TMCC1: variants seen among roughly 807,000 people sequenced by gnomAD.
TMCC1 encodes transmembrane and coiled-coil domains protein 1.
A neutral mutation model predicts 52.4 loss-of-function variants in TMCC1; 15 were observed. The ratio of observed to expected loss-of-function variants is 0.29; its 90% CI spans 0.19 to 0.44. The LOEUF is 0.44. Ranked by LOEUF, TMCC1 falls within the 20% of genes least tolerant of loss-of-function variation. TMCC1 has a pLI of 1.00. For missense variants in TMCC1, 503 were observed against 806.0 expected (o/e 0.62, Z 4.55); for synonymous variants, 279 against 301.9 (o/e 0.92, Z 0.79).
rs2059965598 is a variant in TMCC1 at position 129,852,556 on chromosome 3, C to T, written c.-183-19730G>A. 3.3e-5 allele frequency among the ~76,000 whole-genome samples: 5 copies of T among 150,938 alleles called. No homozygotes were observed. In the South Asian group the frequency reaches 1.0e-3, roughly 31 times the overall value. On this transcript the variant is annotated intron_variant, in intron 2 of 6. Transcript: ENST00000393238. Reference sequence around the variant, plus strand: ...CCTTGAGGACAGACATAAAATAAGCCAATCACAAAGAGATAAATAGTTTTG... The same window carrying T: ...CCTTGAGGACAGACATAAAATAAGCTAATCACAAAGAGATAAATAGTTTTG...
intron 4 of TMCC1, among the ~76,000 whole-genome samples, chr3:129,820,497 G>A (rs1472964107): frequency 6.6e-6 from 1 of 151,984 alleles, no homozygotes; most frequent in Middle Eastern, 3.2e-3. Context: ...GGCCCTAACT[G>A]GAGAAATACA....
chr3:129,844,339 A>G (rs810752), intron 2 of TMCC1, among the ~76,000 whole-genome samples: 151,906 of 152,324 alleles, frequency 1, 75,745 homozygotes, highest in Middle Eastern at 1. Context: ...AGTGAATGGA[A>G]TTACAGAAAG....
chr3:129,685,533 G>A (rs1206486639), intron 4 of TMCC1, among the ~76,000 whole-genome samples: 1 of 152,138 alleles, frequency 6.6e-6, no homozygotes, highest in East Asian at 1.9e-4. Flanking sequence ...TAACAGCCTA[G>A]TATGCAGAAC....
intron 4 of TMCC1, among the ~76,000 whole-genome samples, chr3:129,745,273 G>A (rs2051832659): frequency 6.6e-6 from 1 of 152,206 alleles, no homozygotes; most frequent in Non-Finnish European, 1.5e-5. Flanking sequence ...TCTTGGGCTT[G>A]TATGATGAGA....
chr3:129,769,245 T>A (rs960156131), intron 4 of TMCC1, among the ~76,000 whole-genome samples: 2 of 152,246 alleles, frequency 1.3e-5, no homozygotes, highest in Admixed American at 6.5e-5. Context: ...TTTTGTTTGT[T>A]TTGAGACGGA....
At position 129,670,457 on chromosome 3, in the gene TMCC1, G is replaced by A. The variant is rs1285797547; in HGVS notation, c.1384C>T (p.Leu462=). 6.2e-7 allele frequency: 1 copy of A among 1,614,074 alleles called. No individual in the cohort carries two copies. The highest frequency in any genetic ancestry group is 8.5e-7 in the Non-Finnish European group (1 of 1,180,040). The part of the protein sequence containing the change: ...LDMQSSGFDA[L]LHEIQEIRET... Reference sequence around the variant, plus strand: ...CGGATCTCCTGGATCTCATGTAGTAGTGCATCAAATCCTGAGCTCTGCATG... The same window carrying A: ...CGGATCTCCTGGATCTCATGTAGTAATGCATCAAATCCTGAGCTCTGCATG... Residue 462 remains leucine, a synonymous_variant, in exon 5 of 7, where the codon CTA becomes TTA. Coordinates refer to ENST00000393238, the MANE Select transcript of TMCC1 (RefSeq NM_001017395.5).
chr3:129,725,339 T>G (rs941921070), intron 4 of TMCC1, among the ~76,000 whole-genome samples: 4 of 152,204 alleles, frequency 2.6e-5, no homozygotes, highest in Non-Finnish European at 5.9e-5. Context: ...CTCAAACTCC[T>G]GACAAGTGAT....
intron 4 of TMCC1, among the ~76,000 whole-genome samples, chr3:129,793,166 AAC>A (rs149082077): frequency 9.6e-4 from 142 of 147,900 alleles, no homozygotes; most frequent in Admixed American, 1.6e-3. Flanking sequence ...GAGGCCTTCA[AAC>A]ACACACACAC....
chr3:129,758,270 G>A (rs571936779), intron 4 of TMCC1, among the ~76,000 whole-genome samples: 9 of 152,260 alleles, frequency 5.9e-5, no homozygotes, highest in African/African-American at 1.9e-4. Flanking sequence ...AAAAGAAAAG[G>A]CAAGAATGAA....
At chr3:129,705,285 C>T (rs1484805142) in intron 4 of TMCC1, among the ~76,000 whole-genome samples, 2 of 152,122 alleles carry the variant, frequency 1.3e-5, no homozygotes, top group Non-Finnish European at 2.9e-5. Flanking sequence ...TTACTCTTGA[C>T]ATTTTGGCCA....
intron 2 of TMCC1, among the ~76,000 whole-genome samples, chr3:129,871,476 A>G (rs926219383): frequency 6.6e-6 from 1 of 152,042 alleles, no homozygotes; most frequent in African/African-American, 2.4e-5. Flanking sequence ...TTGATGCAAC[A>G]TATTAGATAA....
At chr3:129,675,647 G>GT (rs2088357865) in intron 4 of TMCC1, among the ~76,000 whole-genome samples, 1 of 152,150 alleles carries the variant, frequency 6.6e-6, no homozygotes, top group Non-Finnish European at 1.5e-5. Context: ...AAGGAATAAT[G>GT]TAATTCAACA....
At chr3:129,846,419 T>A (rs1401403103) in intron 2 of TMCC1, among the ~76,000 whole-genome samples, 1 of 152,226 alleles carries the variant, frequency 6.6e-6, no homozygotes, top group East Asian at 1.9e-4. Flanking sequence ...TCTCCTTCAC[T>A]GCAGGTCATT....
intron 4 of TMCC1, among the ~76,000 whole-genome samples, chr3:129,799,481 G>A (rs72985381): frequency 0.097 from 14,735 of 152,000 alleles, 840 homozygotes; most frequent in Middle Eastern, 0.16. Context: ...GGTTATGATC[G>A]AGATGTTAAT....
chr3:129,714,548 T>C (rs921043981), intron 4 of TMCC1, among the ~76,000 whole-genome samples: 1 of 152,196 alleles, frequency 6.6e-6, no homozygotes, highest in African/African-American at 2.4e-5. Context: ...TGGTATATAA[T>C]ATGACAACCA....
intron 4 of TMCC1, among the ~76,000 whole-genome samples, chr3:129,816,601 A>G (rs1487444712): frequency 6.6e-6 from 1 of 152,102 alleles, no homozygotes; most frequent in Non-Finnish European, 1.5e-5. Context: ...AGAGGGAGGG[A>G]AGGAGAGAGG....
intron 2 of TMCC1, chr3:129,848,227 T>C (rs1030327126): frequency 6.6e-6 from 1 of 152,222 alleles, no homozygotes; most frequent in African/African-American, 2.4e-5. Flanking sequence ...AAGAAATCTT[T>C]GCCTACCCCA....
chr3:129,866,364 T>TTATATA (rs1249286467), intron 2 of TMCC1, among the ~76,000 whole-genome samples: 6 of 142,186 alleles, frequency 4.2e-5, no homozygotes, highest in African/African-American at 1.6e-4. Flanking sequence ...AATATATATT[T>TTATATA]TATATATATA....
chr3:129,824,388 A>G (rs1036020262), intron 4 of TMCC1, among the ~76,000 whole-genome samples: 16 of 152,278 alleles, frequency 1.1e-4, no homozygotes, highest in Non-Finnish European at 4.4e-5. Context: ...AAGCATCCCT[A>G]TGATATTACA....
Sources: gnomAD v4.1 joint callset for allele counts (sites outside exome capture counted in the v4.1 genomes callset) on GRCh38, gnomAD v4.1.1 for gene constraint, MANE v1.5 for transcripts, NCBI Gene and HGNC (gene_info 2026-07-23, HGNC 2026-07-21) for gene names.